The following LRRC4C variants were observed in gnomAD, a reference collection of about 807,000 sequenced individuals.
LRRC4C encodes the protein leucine rich repeat containing 4C.
A neutral mutation model predicts 33.6 loss-of-function variants in LRRC4C; 5 were observed. The ratio of observed to expected loss-of-function variants is 0.15; its 90% CI spans 0.08 to 0.31. The LOEUF is 0.31. Ranked by LOEUF, LRRC4C falls within the 10% of genes least tolerant of loss-of-function variation. LRRC4C has a pLI of 1.00. For missense variants in LRRC4C, 560 were observed against 796.7 expected, an observed-to-expected ratio of 0.70 and a Z score of 3.58; for synonymous variants, 329 against 302.0, an observed-to-expected ratio of 1.09 and a Z score of -0.93.
intron 2 of LRRC4C, among the ~76,000 whole-genome samples, chr11:40,749,689 G>T (rs1351087547): frequency 6.7e-6 from 1 of 150,152 alleles, no homozygotes; most frequent in Non-Finnish European, 1.5e-5. Flanking sequence ...TAGAAAGTTG[G>T]TTCTTCAAAT....
chr11:40,461,708 C>A (rs1039478204), intron 3 of LRRC4C, among the ~76,000 whole-genome samples: 2 of 148,118 alleles, frequency 1.4e-5, no homozygotes, highest in African/African-American at 5.0e-5. Context: ...TTTATTATAT[C>A]TTATACATAT....
intron 6 of LRRC4C, among the ~76,000 whole-genome samples, chr11:40,116,864 G>T (rs897945497): frequency 6.6e-6 from 1 of 152,184 alleles, no homozygotes; most frequent in African/African-American, 2.4e-5. Context: ...AAATAAAAAT[G>T]TAGGAAGCCT....
chr11:40,536,144 C>T (rs1296300353), intron 3 of LRRC4C, among the ~76,000 whole-genome samples: 2 of 152,178 alleles, frequency 1.3e-5, no homozygotes, highest in African/African-American at 2.4e-5. Flanking sequence ...AGGCTCTTCC[C>T]TAGAATTCAT....
chr11:40,303,554 T>C (rs1334475221), intron 4 of LRRC4C, among the ~76,000 whole-genome samples: 2 of 152,176 alleles, frequency 1.3e-5, no homozygotes, highest in East Asian at 3.9e-4. Context: ...ACTGGAGCTA[T>C]ATGAGAAGAG....
intron 2 of LRRC4C, among the ~76,000 whole-genome samples, chr11:40,731,939 T>G (rs1170990885): frequency 6.6e-6 from 1 of 151,994 alleles, no homozygotes; most frequent in East Asian, 1.9e-4. Context: ...ATATAAACAC[T>G]AAATAGATGT....
intron 5 of LRRC4C, among the ~76,000 whole-genome samples, chr11:40,174,695 A>G (rs1860328255): frequency 6.6e-6 from 1 of 152,214 alleles, no homozygotes; most frequent in South Asian, 2.1e-4. Context: ...GTGGAGTTTG[A>G]CCACAAGACA....
chr11:40,427,337 C>T (rs1950754462), intron 3 of LRRC4C, among the ~76,000 whole-genome samples: 1 of 151,668 alleles, frequency 6.6e-6, no homozygotes, highest in Non-Finnish European at 1.5e-5. Context: ...AACCACATCT[C>T]TACTAAAAAT....
At position 40,668,096 on chromosome 11, in the gene LRRC4C, AG is replaced by A. The variant is rs1404335802; in HGVS notation, c.-406-19819del. Among the ~76,000 whole-genome samples, 6 of 152,318 alleles carry A rather than the reference AG, an allele frequency of 3.9e-5. No homozygotes were observed. The East Asian group carries it at 1.2e-3, about 29-fold the overall frequency. Reference sequence around the variant, plus strand: ...TGAATAATCAGAATTTGGAGAGATGAGGTTGACATATATTGATATTTAAAAG... The same window carrying A: ...TGAATAATCAGAATTTGGAGAGATGAGTTGACATATATTGATATTTAAAAG... On this transcript the variant is annotated intron_variant, in intron 2 of 6. Coordinates refer to ENST00000528697, the MANE Select transcript of LRRC4C (RefSeq NM_001258419.2).
intron 3 of LRRC4C, among the ~76,000 whole-genome samples, chr11:40,453,373 C>T (rs1158594430): frequency 6.6e-6 from 1 of 151,932 alleles, no homozygotes; most frequent in Non-Finnish European, 1.5e-5. Flanking sequence ...TCTAAATTGT[C>T]CGATAACAAC....
chr11:41,058,835 A>G (rs1858836519), intron 1 of LRRC4C, among the ~76,000 whole-genome samples: 1 of 152,226 alleles, frequency 6.6e-6, no homozygotes, highest in East Asian at 1.9e-4. Context: ...AGACTGGATA[A>G]AGAAAATATG....
At position 40,859,058 on chromosome 11, in the gene LRRC4C, A is replaced by C. The variant is rs371943613; in HGVS notation, c.-407+74577T>G. Among the ~76,000 whole-genome samples, 27 of 152,344 alleles carry C rather than the reference A, an allele frequency of 1.8e-4. No homozygotes were observed. The South Asian group carries it at 5.0e-3, about 28-fold the overall frequency. On this transcript the variant is annotated intron_variant, in intron 2 of 6. Coordinates refer to ENST00000528697, the MANE Select transcript of LRRC4C (RefSeq NM_001258419.2). The stretch of plus-strand genomic sequence containing the variant: ...AAGGCACCCAAAGCTAAGAATATCA[A>C]AATAGATCCCAAAAGAGGTTACTTG...
At chr11:40,402,781 T>A (rs1343946857) in intron 3 of LRRC4C, among the ~76,000 whole-genome samples, 3 of 152,100 alleles carry the variant, frequency 2.0e-5, no homozygotes, top group Admixed American at 1.3e-4. Context: ...TCTTCACATG[T>A]TTTTTCATCC....
chr11:40,729,126 C>T (rs1947434896), intron 2 of LRRC4C, among the ~76,000 whole-genome samples: 1 of 151,922 alleles, frequency 6.6e-6, no homozygotes, highest in Admixed American at 6.6e-5. Context: ...ACCCCCATAT[C>T]TAAAATAAAA....
intron 4 of LRRC4C, among the ~76,000 whole-genome samples, chr11:40,305,267 C>T (rs944433454): frequency 6.6e-6 from 1 of 152,218 alleles, no homozygotes; most frequent in African/African-American, 2.4e-5. Context: ...TAATTTTCTG[C>T]AGAACCCTTA....
At chr11:40,724,839 A>T (rs1057153772) in intron 2 of LRRC4C, among the ~76,000 whole-genome samples, 2 of 152,160 alleles carry the variant, frequency 1.3e-5, no homozygotes, top group African/African-American at 4.8e-5. Context: ...AGGTTGATAG[A>T]CTGTTAGTTA....
intron 1 of LRRC4C, among the ~76,000 whole-genome samples, chr11:41,314,801 A>C (rs77475201): frequency 4.7e-5 from 7 of 148,530 alleles, no homozygotes; most frequent in Non-Finnish European, 7.5e-5. Context: ...GTATAATAAT[A>C]AAAAAAAAAC....
intron 1 of LRRC4C, among the ~76,000 whole-genome samples, chr11:41,214,780 C>T (rs1490058007): frequency 7.0e-6 from 1 of 142,394 alleles, no homozygotes; most frequent in Admixed American, 7.1e-5. Context: ...TATATACACA[C>T]ATATATATAT....
chr11:40,771,495 T>A (rs1274870053), intron 2 of LRRC4C, among the ~76,000 whole-genome samples: 2 of 152,196 alleles, frequency 1.3e-5, no homozygotes, highest in African/African-American at 4.8e-5. Flanking sequence ...ATTGTTTCAG[T>A]GATTAACATT....
At chr11:40,119,266 A>T (rs1224385553) in intron 6 of LRRC4C, among the ~76,000 whole-genome samples, 2 of 152,214 alleles carry the variant, frequency 1.3e-5, no homozygotes, top group South Asian at 2.1e-4. Flanking sequence ...TAAGAAGGGG[A>T]TATTTAAAGT....
Sources: gnomAD v4.1 joint callset for allele counts (sites outside exome capture counted in the v4.1 genomes callset) on GRCh38, gnomAD v4.1.1 for gene constraint, MANE v1.5 for transcripts, NCBI Gene and HGNC (gene_info 2026-07-23, HGNC 2026-07-21) for gene names.